HK3: variants seen among roughly 807,000 people sequenced by gnomAD.
HK3 encodes the protein hexokinase 3.
In HK3, 93 loss-of-function variants were observed where a neutral mutation model predicts 91.0. That is an observed-to-expected ratio of 1.02 (90% CI 0.86 to 1.21). HK3 has a LOEUF of 1.21. Ranked by LOEUF, HK3 falls within the 50% of genes most tolerant of loss-of-function variation. The probability of loss-of-function intolerance (pLI) is 0.00; values close to 1 mark genes in which losing one functional copy is unlikely to be tolerated. For synonymous variants in HK3, 519 were observed against 516.9 expected (o/e 1.00, Z -0.06); for missense variants, 1,235 against 1,247.4 (o/e 0.99, Z 0.15).
chr5:176,894,960 G>A (rs576715320), intron 2 of HK3, among the ~76,000 whole-genome samples: 28 of 150,796 alleles, frequency 1.9e-4, no homozygotes, highest in Non-Finnish European at 2.9e-4. Flanking sequence ...GTATTTTTTA[G>A]TACAGACAGG....
chr5:176,881,427 C>T lies in HK3; in HGVS notation c.2502G>A (p.Gln834=), dbSNP rs768384241. Residue 834 remains glutamine, a synonymous_variant, in exon 18 of 19, where the codon CAG becomes CAA. Coordinates refer to ENST00000292432, the MANE Select transcript of HK3 (RefSeq NM_002115.3). Reference sequence around the variant, plus strand: ...CCGCCCCACAGAGCTGGGCAGCCCTCTGGGACACAGCCTGGCACACCTCTA... The same window carrying T: ...CCGCCCCACAGAGCTGGGCAGCCCTTTGGGACACAGCCTGGCACACCTCTA... ...MVLEVCQAVS[Q]RAAQLCGAGV... 1.2e-6 allele frequency: 2 copies of T among 1,612,156 alleles called. No individual in the cohort carries two copies. Among genetic ancestry groups the T allele is most frequent in the South Asian group, 2.2e-5 (2 of 91,094 alleles).
At position 176,881,135 on chromosome 5, in the gene HK3, C is replaced by T. The variant is rs146153216; in HGVS notation, c.2710G>A (p.Gly904Ser). Residue 904 changes from glycine to serine, a missense_variant, in exon 19 of 19, where the codon GGC becomes AGC. Gly to Ser is a moderately conservative substitution (Grantham distance 56, BLOSUM62 0). Transcript: ENST00000292432. The stretch of plus-strand genomic sequence containing the variant: ...GCGGTGACCAGGGCCGCACCTTTGC[C>T]GGACCCATCCTCTGACTGCAGGAAC... Reference protein sequence around the residue: ...VTFLQSEDGSGKGAALVTAVA... With the variant: ...VTFLQSEDGSSKGAALVTAVA... The T allele has an allele frequency of 3.3e-4, 528 of 1,612,854 alleles. No individual in the cohort carries two copies. The highest frequency in any genetic ancestry group is 4.4e-4 in the Non-Finnish European group (516 of 1,179,902).
At position 176,889,711 on chromosome 5, in the gene HK3, C is replaced by T. The variant is rs764008081; in HGVS notation, c.664G>A (p.Asp222Asn). 24 of 1,614,006 alleles carry T rather than the reference C, an allele frequency of 1.5e-5. No individual in the cohort carries two copies. Among genetic ancestry groups the T allele is most frequent in the African/African-American group, 1.3e-4 (10 of 74,912 alleles). ...YNIDVVAVVNDTVGTMMGCEP... is the reference protein window; with the variant it reads ...YNIDVVAVVNNTVGTMMGCEP... ...CAGCCCATCATGGTGCCCACTGTGT[C>T]GTTCACCACAGCAACCACGTCGATG... The change falls in exon 7 of 19, where the codon GAC becomes AAC. Residue 222 changes from aspartate to asparagine, a missense_variant. Physicochemically the swap from Asp to Asn is conservative, Grantham distance 23. Around this residue, in one of 3 missense-constraint regions of HK3, gnomAD observed 717 missense variants for 751.6 expected, o/e 0.95. Coordinates refer to ENST00000292432, the MANE Select transcript of HK3 (RefSeq NM_002115.3).
chr5:176,891,385 C>A lies in HK3; in HGVS notation c.259+3G>T. ...GCCACGCATCTCAATCTATGATACC[C>A]ACCAGTGCCATGTGGGGTGGACCCC... On this transcript the variant is annotated splice_donor_region_variant and intron_variant, in intron 3 of 18. Transcript: ENST00000292432. The A allele has an allele frequency of 6.2e-7, 1 of 1,612,446 alleles. No individual in the cohort carries two copies. Among genetic ancestry groups the A allele is most frequent in the Non-Finnish European group, 8.5e-7 (1 of 1,179,242 alleles).
intron 8 of HK3, 142 bp from the exon 9 acceptor site, chr5:176,889,006 G>T: frequency 1.1e-6 from 1 of 918,616 alleles, no homozygotes; most frequent in Non-Finnish European, 1.6e-6. Flanking sequence ...TAGCCTCCCA[G>T]AGGACAGGTG....
intron 2 of HK3, among the ~76,000 whole-genome samples, chr5:176,894,067 C>T (rs1302094823): frequency 2.6e-5 from 4 of 152,176 alleles, no homozygotes; most frequent in African/African-American, 7.2e-5. Context: ...AGGACTGAGA[C>T]GACAGCAAAC....
At position 176,891,082 on chromosome 5, in the gene HK3, C is replaced by T. The variant is rs1363017795; in HGVS notation, c.369G>A (p.Gln123=). Residue 123 remains glutamine, a synonymous_variant, in exon 4 of 19, where the codon CAG becomes CAA. Transcript: ENST00000292432. ...IEGHRVEPRS[Q]EFVIPQEVML... is the part of the protein sequence containing the mutation. ...TCACCTCTTGGGGGATCACAAACTC[C>T]TGGCTTCTGGGCTCCACCCTATGCC... is the stretch of plus-strand genomic sequence containing the variant. The T allele has an allele frequency of 6.2e-7, 1 of 1,614,118 alleles. No homozygotes were observed. The highest frequency in any genetic ancestry group is 1.1e-5 in the South Asian group (1 of 91,086).
At chr5:176,888,632 G>T (rs1488182949) in intron 9 of HK3, 67 bp from the exon 10 acceptor site, 31 of 1,610,548 alleles carry the variant, frequency 1.9e-5, no homozygotes, top group Non-Finnish European at 2.6e-5. Flanking sequence ...AAGCCCCATG[G>T]CTACCTTGGG....
In HK3 at chr5:176,889,439, C is replaced by T; in HGVS notation, c.856G>A (p.Val286Met). 2.5e-6 allele frequency: 4 copies of T among 1,614,210 alleles called. No individual in the cohort carries two copies. The highest frequency in any genetic ancestry group is 3.4e-6 in the Non-Finnish European group (4 of 1,180,036). The change falls in exon 8 of 19, where the codon GTG (valine) becomes ATG (methionine). Residue 286 changes from valine to methionine, a missense_variant. By Grantham distance (21) the Val-to-Met change is conservative. Coordinates refer to ENST00000292432, the MANE Select transcript of HK3 (RefSeq NM_002115.3). ...AGGGTATGGTCGAAGGTGGTCAGCA[C>T]TGGTCCCAGCGCCCCATCATCGCTG... Reference protein sequence around the residue: ...SFSDDGALGPVLTTFDHTLDH... With the variant: ...SFSDDGALGPMLTTFDHTLDH...
intron 10 of HK3, among the ~76,000 whole-genome samples, 198 bp downstream of exon 10, chr5:176,888,134 C>A (rs1758652674): frequency 6.6e-6 from 1 of 152,184 alleles, no homozygotes; most frequent in Non-Finnish European, 1.5e-5. Context: ...ATGGCCTCCA[C>A]CCTTGCACAC....
chr5:176,883,012 A>G (rs577063788), intron 15 of HK3, among the ~76,000 whole-genome samples: 14 of 152,290 alleles, frequency 9.2e-5, no homozygotes, highest in East Asian at 3.9e-4. Flanking sequence ...CCTCCCCAAC[A>G]GAGCCAAATC....
chr5:176,891,546 T>A lies in HK3; in HGVS notation c.101A>T (p.Gln34Leu), dbSNP rs764080054. 5.0e-6 allele frequency: 8 copies of A among 1,610,390 alleles called. No homozygotes were observed. In the East Asian group the frequency reaches 1.6e-4, roughly 31 times the overall value. ...CACCTTGAACTGCTGCAGGCACTCC[T>A]GCACCTGGGGAGAAACAGGCCAACA... ...PGPSDSSELV[Q>L]ECLQQFKVTR... Residue 34 changes from glutamine (Q) to leucine (L), a missense_variant, in exon 3 of 19, where the codon CAG becomes CTG. Around this residue, in one of 3 missense-constraint regions of HK3, gnomAD observed 717 missense variants for 751.6 expected, o/e 0.95. Coordinates refer to ENST00000292432, the MANE Select transcript of HK3 (RefSeq NM_002115.3).
chr5:176,897,749 C>A (rs754157552), intron 1 of HK3, among the ~76,000 whole-genome samples: 1 of 147,578 alleles, frequency 6.8e-6, no homozygotes, highest in South Asian at 2.2e-4. Flanking sequence ...CAATGGGGTT[C>A]CCAAGTTTCG....
chr5:176,882,777 C>A (rs531798353), intron 15 of HK3, among the ~76,000 whole-genome samples: 1 of 152,208 alleles, frequency 6.6e-6, no homozygotes, highest in Non-Finnish European at 1.5e-5. Context: ...TGGATGAGGG[C>A]GTCTCCTTCC....
intron 2 of HK3, 47 bp from the exon 3 acceptor site, chr5:176,891,597 GCCAGACTCCCCACCTCCAAACA>G: frequency 6.4e-7 from 1 of 1,569,026 alleles, no homozygotes; most frequent in East Asian, 2.2e-5. Flanking sequence ...CATTGGGCTG[GCCAGACTCCCCACCTCCAAACA>G]AGGCAGAGGC....
Position 176,889,677 on chromosome 5 carries a change from C to T in HK3, c.698G>A (p.Gly233Glu), listed in dbSNP as rs770394109. ...TVGTMMGCEP[G>E]VRPCEVGLVV... ...TAGCCCAACCTCACACGGCCTGACC[C>T]CCGGCTCACAGCCCATCATGGTGCC... The change falls in exon 7 of 19, where the codon GGG (glycine) becomes GAG (glutamate). Residue 233 changes from glycine to glutamate, a missense_variant. By Grantham distance (98) the Gly-to-Glu change is moderately conservative. Around this residue, in one of 3 missense-constraint regions of HK3, gnomAD observed 717 missense variants for 751.6 expected, o/e 0.95. Coordinates refer to ENST00000292432, the MANE Select transcript of HK3 (RefSeq NM_002115.3). 6 of 1,614,110 alleles carry T rather than the reference C, an allele frequency of 3.7e-6. No individual in the cohort carries two copies. In the Admixed American group the frequency reaches 5.0e-5, roughly 13 times the overall value.
In HK3 at chr5:176,891,661, A is replaced by G; in HGVS notation, c.97-111T>C. The G allele has an allele frequency of 4.7e-6, 5 of 1,074,102 alleles. No individual in the cohort carries two copies. The South Asian group carries it at 6.3e-5, about 14-fold the overall frequency. The allele number at this position is 1,074,102 out of a possible 1,614,324, so 66.5% of individuals were successfully genotyped here. On this transcript the variant is annotated intron_variant, in intron 2 of 18. Coordinates refer to ENST00000292432, the MANE Select transcript of HK3 (RefSeq NM_002115.3). ...TGCCCAGCCCACTCCTCGGCTCTTC[A>G]TACACCCTGACTCTCTTGCCAACAG...
intron 17 of HK3, 38 bp downstream of exon 17, chr5:176,881,654 C>G (rs141653594): frequency 4.3e-6 from 7 of 1,611,466 alleles, no homozygotes; most frequent in Admixed American, 1.7e-5. Flanking sequence ...GACAGAAAGA[C>G]CCCCTGAAGT....
chr5:176,896,132 G>C lies in HK3; in HGVS notation c.28C>G (p.Arg10Gly), dbSNP rs141866799. 1 of 1,611,774 alleles carries C rather than the reference G, an allele frequency of 6.2e-7. No individual in the cohort carries two copies. Among genetic ancestry groups the C allele is most frequent in the African/African-American group, 1.3e-5 (1 of 74,924 alleles). The change falls in exon 2 of 19, where the codon CGG becomes GGG. Residue 10 changes from arginine (R) to glycine (G), a missense_variant. Coordinates refer to ENST00000292432, the MANE Select transcript of HK3 (RefSeq NM_002115.3). ...CAACTCAGGGTTTCTTCCCCCTGCC[G>C]CAACCCTGAAGACCCAATGGAGTCC... The part of the protein sequence containing the change: MDSIGSSGL[R>G]QGEETLSCSE...
Sources: gnomAD v4.1 joint callset for allele counts (sites outside exome capture counted in the v4.1 genomes callset) on GRCh38, gnomAD v4.1.1 for gene constraint, gnomAD v4.1.1 regional missense constraint, MANE v1.5 for transcripts, NCBI Gene and HGNC (gene_info 2026-07-23, HGNC 2026-07-21) for gene names.